SAMM50: variants seen among roughly 807,000 people sequenced by gnomAD.
SAMM50 encodes the protein sorting and assembly machinery component 50 homolog.
In SAMM50, 47 loss-of-function variants were observed where a neutral mutation model predicts 66.9. The observed-to-expected ratio is 0.70, with a 90% CI of 0.56 to 0.90. The LOEUF (loss-of-function observed/expected upper bound fraction) is 0.90, where lower values mean the gene tolerates loss of function less well. SAMM50 is among the 40% of genes least tolerant of loss of function. The probability of loss-of-function intolerance (pLI) is 0.00; values close to 1 mark genes in which losing one functional copy is unlikely to be tolerated. For synonymous variants in SAMM50, 191 were observed against 214.1 expected (o/e 0.89, Z 0.94); for missense variants, 535 against 595.3 (o/e 0.90, Z 1.05).
intron 3 of SAMM50, among the ~76,000 whole-genome samples, chr22:43,967,229 T>A (rs1430398115): frequency 6.6e-6 from 1 of 152,182 alleles, no homozygotes; most frequent in Non-Finnish European, 1.5e-5. Flanking sequence ...TCTAGCCAGC[T>A]CCTCTGTGTT....
At chr22:43,965,204 A>C (rs1351254342) in intron 3 of SAMM50, among the ~76,000 whole-genome samples, 3 of 145,306 alleles carry the variant, frequency 2.1e-5, no homozygotes, top group Middle Eastern at 3.4e-3. Flanking sequence ...AAAAAAAAAG[A>C]ATCTTTTTTC....
In SAMM50 at chr22:43,955,518, A is replaced by T; in HGVS notation, c.-60A>T. On this transcript the variant is annotated 5_prime_UTR_variant, in exon 1 of 15. Coordinates refer to ENST00000350028, the MANE Select transcript of SAMM50 (RefSeq NM_015380.5). Reference sequence around the variant, plus strand: ...CACCGCGGACCCGCCTTCTGCCCTCAGCAGCAGACGCTCTGTCCCGCCCGG... The same window carrying T: ...CACCGCGGACCCGCCTTCTGCCCTCTGCAGCAGACGCTCTGTCCCGCCCGG... 1 of 1,567,872 alleles carries T rather than the reference A, an allele frequency of 6.4e-7. No homozygotes were observed. Among genetic ancestry groups the T allele is most frequent in the Non-Finnish European group, 8.7e-7 (1 of 1,155,566 alleles).
At position 43,976,834 on chromosome 22, in the gene SAMM50, C is replaced by T. The variant is rs1199555851; in HGVS notation, c.849+13C>T. On this transcript the variant is annotated intron_variant, in intron 9 of 14. Coordinates refer to ENST00000350028, the MANE Select transcript of SAMM50 (RefSeq NM_015380.5). ...GAAAGTTAACCAGGTAGTGTTGTTT[C>T]ACCTGTGACCCCTGCAGGGTGAGGG... The T allele has an allele frequency of 6.3e-7, 1 of 1,596,294 alleles. No homozygotes were observed. Among genetic ancestry groups the T allele is most frequent in the Non-Finnish European group, 8.6e-7 (1 of 1,166,906 alleles).
At chr22:43,957,995 C>T (rs554457341) in intron 1 of SAMM50, among the ~76,000 whole-genome samples, 6 of 151,464 alleles carry the variant, frequency 4.0e-5, no homozygotes, top group East Asian at 2.0e-4. Context: ...CCTTGTGATC[C>T]GCCTGCCTCG....
intron 10 of SAMM50, among the ~76,000 whole-genome samples, chr22:43,979,482 A>G (rs1461690166): frequency 6.6e-6 from 1 of 152,072 alleles, no homozygotes; most frequent in Non-Finnish European, 1.5e-5. Context: ...CCTGCCACCC[A>G]CTGGGCGCTG....
chr22:43,973,783 G>C (rs968180053), intron 7 of SAMM50, among the ~76,000 whole-genome samples: 6 of 152,016 alleles, frequency 3.9e-5, no homozygotes, highest in Non-Finnish European at 7.4e-5. Flanking sequence ...GCTAATTTTT[G>C]TTATTTTTAG....
intron 1 of SAMM50, 86 bp downstream of exon 1, chr22:43,955,684 GC>G: frequency 7.0e-7 from 1 of 1,426,684 alleles, no homozygotes; most frequent in Non-Finnish European, 9.5e-7. Context: ...TCGTGGCTGC[GC>G]CCAGGGTTCA....
chr22:43,977,820 C>T (rs1304580413), intron 9 of SAMM50, 52 bp from the exon 10 acceptor site: 3 of 1,183,660 alleles, frequency 2.5e-6, no homozygotes, highest in Non-Finnish European at 3.7e-6. Context: ...ATTCTGTAGC[C>T]CCTGTAATAA....
In SAMM50 at chr22:43,976,075, C is replaced by T. The variant is rs373431593; in HGVS notation, c.669C>T (p.Ser223=). Residue 223 remains serine, a synonymous_variant, in exon 8 of 15, where the codon AGC becomes AGT. Coordinates refer to ENST00000350028, the MANE Select transcript of SAMM50 (RefSeq NM_015380.5). The part of the protein sequence containing the change: ...AEYSFPIWKT[S]HTVKWEGVWR... ...TGCAGTTTCCCATATGGAAGACCAGCCACACTGTCAAGTGGGAAGGCGTAT... is the reference window on the plus strand; with the variant it reads ...TGCAGTTTCCCATATGGAAGACCAGTCACACTGTCAAGTGGGAAGGCGTAT... The T allele has an allele frequency of 1.2e-6, 2 of 1,611,240 alleles. No homozygotes were observed. Among genetic ancestry groups the T allele is most frequent in the Non-Finnish European group, 1.7e-6 (2 of 1,177,608 alleles).
At chr22:43,994,145 A>AGC (rs377513628) in intron 14 of SAMM50, among the ~76,000 whole-genome samples, 377 of 152,294 alleles carry the variant, frequency 2.5e-3, no homozygotes, top group African/African-American at 8.7e-3. Context: ...GAGGACAGAC[A>AGC]GCCAGGTGCT....
rs1176773849 is a variant in SAMM50, at chr22:43,973,236, T to C, written c.561T>C (p.Asn187=). 2.5e-6 allele frequency: 4 copies of C among 1,581,496 alleles called. No homozygotes were observed. Among genetic ancestry groups the C allele is most frequent in the Non-Finnish European group, 3.5e-6 (4 of 1,150,618 alleles). The stretch of plus-strand genomic sequence containing the variant: ...AAAGCTCTATCCCATTGTCTCCTAG[T>C]TTCTCTGTAAACTTATATAAAGTTA... ...FKPRPGNFER[N]FSVNLYKVTG... The change falls in exon 7 of 15, where the codon AAT becomes AAC. Residue 187 remains asparagine (N), a splice_region_variant and synonymous_variant. Transcript: ENST00000350028.
chr22:43,955,688 A>G (rs1489926745), intron 1 of SAMM50, 90 bp downstream of exon 1: 30 of 1,402,886 alleles, frequency 2.1e-5, no homozygotes, highest in South Asian at 3.8e-5. Context: ...GGCTGCGCCC[A>G]GGGTTCACCG....
Position 43,990,179 on chromosome 22 carries a change from A to G in SAMM50, c.1223-86A>G, listed in dbSNP as rs1008238029. 11 of 1,528,090 alleles carry G rather than the reference A, an allele frequency of 7.2e-6. No individual in the cohort carries two copies. The African/African-American group carries it at 1.5e-4, about 21-fold the overall frequency. 94.7% of individuals were successfully genotyped at this position (1,528,090 alleles called of 1,614,324 possible). ...TTAAAAACAACTGCAGGGCCCAGCC[A>G]GGGGGAGCCAGGGCTTGTCTGGGAG... On this transcript the variant is annotated intron_variant, in intron 13 of 14. Transcript: ENST00000350028.
intron 1 of SAMM50, among the ~76,000 whole-genome samples, chr22:43,960,447 G>C (rs995320037): frequency 2.6e-5 from 4 of 152,158 alleles, no homozygotes; most frequent in African/African-American, 9.7e-5. Flanking sequence ...ATAAGAAACA[G>C]GTCAGGCGCA....
intron 13 of SAMM50, 59 bp from the exon 14 acceptor site, chr22:43,990,206 G>C (rs2050315821): frequency 1.2e-6 from 2 of 1,604,430 alleles, no homozygotes; most frequent in Non-Finnish European, 1.7e-6. Context: ...GTCTGGGAGA[G>C]CTGGGAGAGC....
At chr22:43,958,161 T>A (rs2050129349) in intron 1 of SAMM50, among the ~76,000 whole-genome samples, 2 of 152,236 alleles carry the variant, frequency 1.3e-5, no homozygotes. Flanking sequence ...TATTCCCATC[T>A]TTTAGAACTC....
chr22:43,962,914 T>TC (rs2050154167), intron 1 of SAMM50, among the ~76,000 whole-genome samples: 1 of 137,288 alleles, frequency 7.3e-6, no homozygotes, highest in Admixed American at 7.3e-5. Flanking sequence ...TTTTTTTTTT[T>TC]AGAGATGGGG....
At chr22:43,967,352 T>C (rs1290157047) in intron 3 of SAMM50, among the ~76,000 whole-genome samples, 2 of 152,248 alleles carry the variant, frequency 1.3e-5, no homozygotes, top group African/African-American at 4.8e-5. Flanking sequence ...TCCATCTGTC[T>C]GCTCTGCCTG....
At chr22:43,957,760 A>AT (rs1569023086) in intron 1 of SAMM50, among the ~76,000 whole-genome samples, 2 of 149,048 alleles carry the variant, frequency 1.3e-5, no homozygotes, top group South Asian at 2.1e-4. Context: ...GTCCAGAATA[A>AT]TTTTTTTTGT....
Sources: gnomAD v4.1 joint callset for allele counts (sites outside exome capture counted in the v4.1 genomes callset) on GRCh38, gnomAD v4.1.1 for gene constraint, MANE v1.5 for transcripts, NCBI Gene and HGNC (gene_info 2026-07-23, HGNC 2026-07-21) for gene names.